Variants in OSBPL2 observed in about 807,000 individuals in gnomAD.
OSBPL2 encodes oxysterol-binding protein-related protein 2.
A neutral mutation model predicts 58.4 loss-of-function variants in OSBPL2; 18 were observed. That is an observed-to-expected ratio of 0.31 (90% CI 0.21 to 0.46). The LOEUF (loss-of-function observed/expected upper bound fraction) is 0.46, where lower values mean the gene tolerates loss of function less well. Among genes scored for constraint, OSBPL2 ranks in the 20% least tolerant of loss-of-function variants. The pLI is 1.00. For missense variants in OSBPL2, 461 were observed against 616.5 expected (o/e 0.75, Z 2.67); for synonymous variants, 221 against 234.1 (o/e 0.94, Z 0.51).
At chr20:62,247,674 T>C (rs1980219667) in intron 1 of OSBPL2, among the ~76,000 whole-genome samples, 4 of 150,946 alleles carry the variant, frequency 2.6e-5, no homozygotes, top group African/African-American at 9.7e-5. Context: ...TCTTTCTTTT[T>C]TTTTTTTTTT....
intron 1 of OSBPL2, among the ~76,000 whole-genome samples, chr20:62,243,417 G>A (rs1023454272): frequency 6.6e-6 from 1 of 152,008 alleles, no homozygotes; most frequent in African/African-American, 2.4e-5. Flanking sequence ...TGCCCGAGGA[G>A]CCCTAGCGCC....
At chr20:62,246,502 G>C (rs1260236350) in intron 1 of OSBPL2, among the ~76,000 whole-genome samples, 1 of 152,252 alleles carries the variant, frequency 6.6e-6, no homozygotes, top group Admixed American at 6.5e-5. Context: ...CTGGGTGTCA[G>C]TGGGGTGAGG....
intron 12 of OSBPL2, among the ~76,000 whole-genome samples, chr20:62,289,586 A>G (rs1447415890): frequency 7.2e-5 from 11 of 152,234 alleles, no homozygotes; most frequent in Admixed American, 6.5e-4. Context: ...TTACTAGAAA[A>G]TGAAATGAAA....
intron 7 of OSBPL2, chr20:62,280,049 A>G: frequency 7.7e-7 from 1 of 1,304,282 alleles, no homozygotes; most frequent in Non-Finnish European, 1.0e-6. Flanking sequence ...CAAGTCTCCA[A>G]CAAATGCCGG....
At chr20:62,256,011 G>A (rs539746147) in intron 1 of OSBPL2, 46 bp from the exon 2 acceptor site, 9 of 580,634 alleles carry the variant, frequency 1.6e-5, no homozygotes, top group African/African-American at 3.9e-5. Context: ...TTTTTAAACC[G>A]TGAAACTTCT....
In OSBPL2 at chr20:62,290,884, C is replaced by T. The variant is rs142721908; in HGVS notation, c.1250-819C>T. On this transcript the variant is annotated intron_variant, in intron 12 of 13. Coordinates refer to ENST00000313733, the MANE Select transcript of OSBPL2 (RefSeq NM_144498.4). ...TCCCGAGTAGCTGGGATTACAGGTG[C>T]CCGCCACCACACCCGGCCAATTTTT... Among the ~76,000 whole-genome samples, 481 of 151,744 alleles carry T rather than the reference C, an allele frequency of 3.2e-3. 2 individuals carry two copies. The highest frequency in any genetic ancestry group is 0.011 in the African/African-American group (446 of 41,368).
chr20:62,287,843 C>T (rs1983231552), intron 11 of OSBPL2, among the ~76,000 whole-genome samples: 1 of 152,208 alleles, frequency 6.6e-6, no homozygotes, highest in African/African-American at 2.4e-5. Context: ...ATAACTCATG[C>T]TTCCAGCCTT....
chr20:62,289,877 C>T (rs1433071546), intron 12 of OSBPL2, among the ~76,000 whole-genome samples: 1 of 152,102 alleles, frequency 6.6e-6, no homozygotes, highest in Non-Finnish European at 1.5e-5. Flanking sequence ...TGCACTCCAG[C>T]CAGGGCGACA....
intron 1 of OSBPL2, among the ~76,000 whole-genome samples, chr20:62,253,037 C>G (rs974267370): frequency 6.6e-6 from 1 of 152,258 alleles, no homozygotes; most frequent in Non-Finnish European, 1.5e-5. Context: ...AAGCTAGAAA[C>G]TGGACAAACC....
chr20:62,273,539 C>T (rs1416443170), intron 6 of OSBPL2, 133 bp downstream of exon 6: 9 of 733,874 alleles, frequency 1.2e-5, no homozygotes, highest in East Asian at 5.5e-5. Context: ...CTCACGAAAG[C>T]GTTTGGATGC....
At chr20:62,254,011 T>A (rs1980753107) in intron 1 of OSBPL2, among the ~76,000 whole-genome samples, 1 of 152,188 alleles carries the variant, frequency 6.6e-6, no homozygotes, top group Non-Finnish European at 1.5e-5. Context: ...TTGGCCAGGC[T>A]GGTCTGGAAC....
chr20:62,270,055 C>T (rs989550321), intron 4 of OSBPL2, among the ~76,000 whole-genome samples: 2 of 152,236 alleles, frequency 1.3e-5, no homozygotes, highest in South Asian at 2.1e-4. Context: ...CCAGCACGGA[C>T]GCTGAGTTTT....
At chr20:62,246,481 C>T (rs1227975172) in intron 1 of OSBPL2, among the ~76,000 whole-genome samples, 2 of 152,192 alleles carry the variant, frequency 1.3e-5, no homozygotes, top group African/African-American at 4.8e-5. Context: ...AGATTGTGGC[C>T]TGGTGGCCAG....
chr20:62,288,559 C>G lies in OSBPL2; in HGVS notation c.1126-648C>G, dbSNP rs1185608227. Among the ~76,000 whole-genome samples the G allele has an allele frequency of 3.0e-5, 4 of 135,000 alleles. No individual in the cohort carries two copies. The highest frequency in any genetic ancestry group is 4.8e-5 in the Non-Finnish European group (3 of 62,696). 88.6% of individuals were successfully genotyped at this position (135,000 alleles called of 152,430 possible). On this transcript the variant is annotated intron_variant, in intron 11 of 13. Coordinates refer to ENST00000313733, the MANE Select transcript of OSBPL2 (RefSeq NM_144498.4). The surrounding 1 kb of genome is among the most constrained non-coding windows in gnomAD (Gnocchi z 4.8). Reference sequence around the variant, plus strand: ...GCTGGGAGGCTGTGGGTGCAGAGGCCGGAGGCTGTGGGTGCAGAGGCTGGG... The same window carrying G: ...GCTGGGAGGCTGTGGGTGCAGAGGCGGGAGGCTGTGGGTGCAGAGGCTGGG...
At chr20:62,245,309 T>G (rs1980027301) in intron 1 of OSBPL2, among the ~76,000 whole-genome samples, 1 of 152,184 alleles carries the variant, frequency 6.6e-6, no homozygotes, top group African/African-American at 2.4e-5. Flanking sequence ...GCCCAGCTGG[T>G]CTTGAGCTCC....
intron 4 of OSBPL2, among the ~76,000 whole-genome samples, chr20:62,266,736 G>A (rs1389370301): frequency 1.3e-5 from 2 of 152,276 alleles, no homozygotes; most frequent in Admixed American, 6.5e-5. Context: ...TATTTCTTAT[G>A]TATATTTAAA....
intron 10 of OSBPL2, chr20:62,286,356 A>G: frequency 4.7e-6 from 2 of 422,202 alleles, no homozygotes; most frequent in Non-Finnish European, 8.7e-6. Context: ...AGGCTGAGGC[A>G]GGAGAATCTC....
chr20:62,291,651 G>A, intron 12 of OSBPL2, 52 bp from the exon 13 acceptor site: 2 of 1,465,682 alleles, frequency 1.4e-6, no homozygotes, highest in Non-Finnish European at 1.9e-6. Context: ...GGGGGTGGCG[G>A]GGTGCGGTTC....
chr20:62,246,293 A>C (rs1417631850), intron 1 of OSBPL2, among the ~76,000 whole-genome samples: 2 of 152,230 alleles, frequency 1.3e-5, no homozygotes. Context: ...TCAGCTGATT[A>C]GCATCCAGCA....
Sources: gnomAD v4.1 joint callset for allele counts (sites outside exome capture counted in the v4.1 genomes callset) on GRCh38, gnomAD v4.1.1 for gene constraint, Gnocchi (gnomAD v3.1) non-coding constraint, MANE v1.5 for transcripts, NCBI Gene and HGNC (gene_info 2026-07-23, HGNC 2026-07-21) for gene names.